DUSP14: variants seen among roughly 807,000 people sequenced by gnomAD.
The protein encoded by DUSP14 is dual specificity protein phosphatase 14.
In DUSP14, 5 loss-of-function variants were observed where a neutral mutation model predicts 13.2. The observed-to-expected ratio is 0.38, with a 90% CI of 0.20 to 0.80. The LOEUF is 0.80. Ranked by LOEUF, DUSP14 falls within the 30% of genes least tolerant of loss-of-function variation. The pLI, the probability that DUSP14 is intolerant of heterozygous loss-of-function variation, is 0.44. For missense variants in DUSP14, 185 were observed against 264.0 expected, an observed-to-expected ratio of 0.70 and a Z score of 2.07; for synonymous variants, 91 against 103.4, an observed-to-expected ratio of 0.88 and a Z score of 0.73.
Position 37,512,682 on chromosome 17 carries a change from C to T in DUSP14, c.410C>T (p.Ala137Val). ...TTCCACAACGTGTGCCTGCTGGAGG[C>T]GTACAACTGGGTGAAAGCCCGGCGA... ...MKFHNVCLLE[A>V]YNWVKARRPV... Residue 137 changes from alanine (A) to valine (V), a missense_variant, in exon 3 of 3, where the codon GCG (alanine) becomes GTG (valine). Physicochemically the swap from Ala to Val is moderately conservative, Grantham distance 64. Transcript: ENST00000617516. This position sits in a 1 kb window ranked among gnomAD's most constrained non-coding sequence, Gnocchi z 4.8. The T allele has an allele frequency of 1.2e-6, 2 of 1,614,002 alleles. No individual in the cohort carries two copies. The highest frequency in any genetic ancestry group is 1.7e-6 in the Non-Finnish European group (2 of 1,180,000).
intron 1 of DUSP14, among the ~76,000 whole-genome samples, chr17:37,507,332 C>T (rs182166907): frequency 6.6e-6 from 1 of 152,306 alleles, no homozygotes; most frequent in Non-Finnish European, 1.5e-5. Flanking sequence ...CCCGAGGGCT[C>T]ACAATCTGTT....
At position 37,491,436 on chromosome 17, in the gene DUSP14, TG is replaced by T. The variant is rs2054027631; in HGVS notation, c.-181+1481del. The T allele has an allele frequency of 2.0e-5, 3 of 152,270 alleles. No homozygotes were observed. In the South Asian group the frequency reaches 6.2e-4, roughly 32 times the overall value. 9.4% of individuals were successfully genotyped at this position (152,270 alleles called of 1,614,324 possible). ...AGCCCTGCACAGGAGGCTTGACACA[TG>T]GGCCCTATTCCTGCCTCCAGCTCTG... On this transcript the variant is annotated intron_variant, in intron 1 of 2. Transcript: ENST00000617516.
At chr17:37,495,097 G>C (rs2054054789) in intron 1 of DUSP14, among the ~76,000 whole-genome samples, 1 of 152,174 alleles carries the variant, frequency 6.6e-6, no homozygotes, top group Non-Finnish European at 1.5e-5. Flanking sequence ...AGTGATGGGG[G>C]AGGAGCCCTG....
rs1568204456 is a variant in DUSP14 at position 37,509,135 on chromosome 17, A to ATG, written c.-180-1542_-180-1541insTG. 1.0e-4 allele frequency among the ~76,000 whole-genome samples: 4 copies of ATG among 38,996 alleles called. No homozygotes were observed. The Admixed American group carries it at 1.1e-3, about 11-fold the overall frequency. The allele number at this position is 38,996 out of a possible 152,430, so 25.6% of individuals were successfully genotyped here. On this transcript the variant is annotated intron_variant, in intron 1 of 2. Coordinates refer to ENST00000617516, the MANE Select transcript of DUSP14 (RefSeq NM_007026.4). ...TATATATATATATATATATACACAC[A>ATG]CACACACACACACACACACACACAC...
Position 37,513,015 on chromosome 17 carries a change from GAT to G in DUSP14, c.*148_*149del. On this transcript the variant is annotated 3_prime_UTR_variant, in exon 3 of 3. Coordinates refer to ENST00000617516, the MANE Select transcript of DUSP14 (RefSeq NM_007026.4). The stretch of plus-strand genomic sequence containing the variant: ...CTGGGTGTTCAAATTTATTTTAAGA[GAT>G]AGGGAGGGAGGGGACATAAAGGGAA... The G allele has an allele frequency of 1.5e-6, 1 of 678,346 alleles. No homozygotes were observed. The allele number at this position is 678,346 out of a possible 1,614,324, so 42.0% of individuals were successfully genotyped here.
At chr17:37,496,342 C>T (rs8072015) in intron 1 of DUSP14, among the ~76,000 whole-genome samples, 3 of 152,148 alleles carry the variant, frequency 2.0e-5, no homozygotes, top group South Asian at 2.1e-4. Flanking sequence ...CAGTGGCTCA[C>T]GCCTATAATC....
At chr17:37,492,617 A>G (rs68148836) in intron 1 of DUSP14, among the ~76,000 whole-genome samples, 6,752 of 152,330 alleles carry the variant, frequency 0.044, 457 homozygotes, top group East Asian at 0.31. Flanking sequence ...GCTGACAGGC[A>G]AATAGTGACA....
At chr17:37,501,858 TG>T (rs2054107472) in intron 1 of DUSP14, among the ~76,000 whole-genome samples, 1 of 152,130 alleles carries the variant, frequency 6.6e-6, no homozygotes, top group African/African-American at 2.4e-5. Context: ...AGAAAAAGCA[TG>T]GTATACAATC....
At chr17:37,498,365 C>T (rs572602039) in intron 1 of DUSP14, among the ~76,000 whole-genome samples, 4 of 125,684 alleles carry the variant, frequency 3.2e-5, no homozygotes, top group South Asian at 5.0e-4. Flanking sequence ...CTCGCTCTGT[C>T]GCCCAGGCTG....
At chr17:37,511,050 T>C (rs905226420) in intron 2 of DUSP14, among the ~76,000 whole-genome samples, 4 of 151,856 alleles carry the variant, frequency 2.6e-5, no homozygotes, top group African/African-American at 7.3e-5. Flanking sequence ...TAGCAAACAC[T>C]GGAATAATGA....
chr17:37,495,651 GT>G (rs747149444), intron 1 of DUSP14, among the ~76,000 whole-genome samples: 1 of 124,130 alleles, frequency 8.1e-6, no homozygotes, highest in Non-Finnish European at 1.7e-5. Flanking sequence ...TTTAAGTTTT[GT>G]TTTTTTTGTT....
At chr17:37,495,669 T>G (rs577142619) in intron 1 of DUSP14, among the ~76,000 whole-genome samples, 5 of 148,240 alleles carry the variant, frequency 3.4e-5, no homozygotes, top group African/African-American at 9.9e-5. Context: ...TGTTTTTTTG[T>G]TTTTTTTTTG....
intron 1 of DUSP14, among the ~76,000 whole-genome samples, chr17:37,498,750 TA>T (rs2054085919): frequency 6.6e-6 from 1 of 151,818 alleles, no homozygotes. Context: ...GTACAGGAGA[TA>T]TTTTTTCCAC....
intron 1 of DUSP14, among the ~76,000 whole-genome samples, chr17:37,496,924 A>G (rs1347498557): frequency 7.0e-6 from 1 of 142,548 alleles, no homozygotes; most frequent in East Asian, 2.9e-4. Context: ...TCAAAAAAAA[A>G]AAAAAAAAAA....
chr17:37,506,100 TAA>T (rs2054135998), intron 1 of DUSP14, among the ~76,000 whole-genome samples: 2 of 151,864 alleles, frequency 1.3e-5, no homozygotes, highest in Non-Finnish European at 2.9e-5. Flanking sequence ...CTGTTTCTAC[TAA>T]AAAATACAAA....
chr17:37,500,670 A>T (rs2054098691), intron 1 of DUSP14, among the ~76,000 whole-genome samples: 1 of 152,186 alleles, frequency 6.6e-6, no homozygotes, highest in Non-Finnish European at 1.5e-5. Flanking sequence ...TTCACATTTA[A>T]TTTTTACCAC....
chr17:37,498,312 ATCTTTTTTTTT>A (rs1301206444), intron 1 of DUSP14, among the ~76,000 whole-genome samples: 10 of 103,272 alleles, frequency 9.7e-5, no homozygotes, highest in Non-Finnish European at 1.5e-4. Flanking sequence ...ACTAGATTGT[ATCTTTTTTTTT>A]TTTTTTTTTT....
rs1270927245 is a variant in DUSP14, at chr17:37,509,104, C to CATATATATATATATGTGTGT, written c.-180-1559_-180-1558insGTGTGTATATATATATATAT. Among the ~76,000 whole-genome samples, 33 of 36,026 alleles carry CATATATATATATATGTGTGT rather than the reference C, an allele frequency of 9.2e-4. 11 individuals carry two copies. Among genetic ancestry groups the CATATATATATATATGTGTGT allele is most frequent in the East Asian group, 6.7e-3 (4 of 594 alleles). The allele number at this position is 36,026 out of a possible 152,430, so 23.6% of individuals were successfully genotyped here. ...AGCCAGACCAAAAAAAAAAAAAACC[C>CATATATATATATATGTGTGT]ATATATATATATATATATATATATA... On this transcript the variant is annotated intron_variant, in intron 1 of 2. Transcript: ENST00000617516.
chr17:37,496,105 T>A (rs558359451), intron 1 of DUSP14, among the ~76,000 whole-genome samples: 50 of 152,344 alleles, frequency 3.3e-4, no homozygotes, highest in South Asian at 8.3e-4. Context: ...ATCTTTTAAA[T>A]CTTTGTGTTT....
Sources: gnomAD v4.1 joint callset for allele counts (sites outside exome capture counted in the v4.1 genomes callset) on GRCh38, gnomAD v4.1.1 for gene constraint, Gnocchi (gnomAD v3.1) non-coding constraint, MANE v1.5 for transcripts, NCBI Gene and HGNC (gene_info 2026-07-23, HGNC 2026-07-21) for gene names.